The following TTN variants were observed in gnomAD, a reference collection of about 807,000 sequenced individuals.
TTN encodes the protein titin.
TTN carries 1,525 observed loss-of-function variants against 3,223.0 expected under a neutral mutation model. The observed-to-expected ratio is 0.47, with a 90% CI of 0.45 to 0.49. The LOEUF is 0.49. TTN is among the 20% of genes least tolerant of loss of function. The pLI, the probability that TTN is intolerant of heterozygous loss-of-function variation, is 0.00. For synonymous variants in TTN, 14,094 were observed against 15,161.0 expected, an observed-to-expected ratio of 0.93 and a Z score of 5.17; for missense variants, 40,786 against 43,424.0, an observed-to-expected ratio of 0.94 and a Z score of 5.40.
chr2:178,527,837 AACAC>A, intron 361 of TTN, 89 bp from the exon 362 acceptor site: 1 of 1,251,806 alleles, frequency 8.0e-7, no homozygotes, highest in Non-Finnish European at 1.1e-6. Flanking sequence ...TGGAAACTTC[AACAC>A]ACACACAGCA....
chr2:178,693,394 G>A (rs948862077), intron 119 of TTN, among the ~76,000 whole-genome samples: 2 of 152,024 alleles, frequency 1.3e-5, no homozygotes, highest in South Asian at 2.1e-4. Flanking sequence ...CAAACTCTCT[G>A]AAGCAGGGAA....
chr2:178,740,826 C>T lies in TTN; in HGVS notation c.12407G>A (p.Gly4136Asp), dbSNP rs1245737623. The change falls in exon 48 of 363, where the codon GGC becomes GAC. Residue 4136 changes from glycine to aspartate, a missense_variant. By Grantham distance (94) the Gly-to-Asp change is moderately conservative. Coordinates refer to ENST00000589042, the MANE Select transcript of TTN (RefSeq NM_001267550.2). ...CTTGAGAGGCTGAAAGTGAATACTGCCATTGATGCAAAGAAATTCCCTGGT... is the reference window on the plus strand; with the variant it reads ...CTTGAGAGGCTGAAAGTGAATACTGTCATTGATGCAAAGAAATTCCCTGGT... ...ESTREFLCIN[G>D]SIHFQPLKEP... is the part of the protein sequence containing the mutation. 3 of 1,613,690 alleles carry T rather than the reference C, an allele frequency of 1.9e-6. No homozygotes were observed. Among genetic ancestry groups the T allele is most frequent in the Non-Finnish European group, 2.5e-6 (3 of 1,179,752 alleles).
In TTN at chr2:178,584,302, T is replaced by G. The variant is rs761034547; in HGVS notation, c.65249A>C (p.Glu21750Ala). Residue 21750 changes from glutamate to alanine, a missense_variant, in exon 311 of 363, where the codon GAA (glutamate) becomes GCA (alanine). Transcript: ENST00000589042. ...AACTGGCATTCTTGCAGTTACATAT[T>G]CTGTGGGTTTGCTGGGTGGGCTGGA... ...AGSSPPSKPTEYVTARMPVDP... is the reference protein window; with the variant it reads ...AGSSPPSKPTAYVTARMPVDP... 6.3e-7 allele frequency: 1 copy of G among 1,591,340 alleles called. No individual in the cohort carries two copies. The highest frequency in any genetic ancestry group is 1.1e-5 in the South Asian group (1 of 88,160).
chr2:178,764,946 G>T, intron 41 of TTN, 135 bp from the exon 42 acceptor site: 2 of 921,800 alleles, frequency 2.2e-6, no homozygotes, highest in Non-Finnish European at 3.3e-6. Flanking sequence ...ATTTTTACTT[G>T]CCTCAGAATA....
intron 151 of TTN, 77 bp downstream of exon 151, chr2:178,674,237 G>T: frequency 1.2e-6 from 1 of 826,472 alleles, no homozygotes; most frequent in Non-Finnish European, 2.0e-6. Context: ...GCATACTGGT[G>T]AATCTTAGAT....
chr2:178,697,145 G>A lies in TTN; in HGVS notation c.30778C>T (p.Pro10260Ser). The change falls in exon 113 of 363, where the codon CCT becomes TCT. Residue 10260 changes from proline to serine, a missense_variant. Coordinates refer to ENST00000589042, the MANE Select transcript of TTN (RefSeq NM_001267550.2). ...CCTTTTGCTGGAATTAAGGTAGTAGGAGGTGGAGGCTTCTTGACAATCTCT... is the reference window on the plus strand; with the variant it reads ...CCTTTTGCTGGAATTAAGGTAGTAGAAGGTGGAGGCTTCTTGACAATCTCT... ...REEIVKKPPP[P>S]TTLIPAKAPE... The A allele has an allele frequency of 5.2e-6, 8 of 1,552,486 alleles. No individual in the cohort carries two copies. Among genetic ancestry groups the A allele is most frequent in the Non-Finnish European group, 7.0e-6 (8 of 1,148,292 alleles).
chr2:178,607,327 C>A lies in TTN; in HGVS notation c.53288-13G>T, dbSNP rs762229186. On this transcript the variant is annotated splice_polypyrimidine_tract_variant and intron_variant, in intron 277 of 362. Transcript: ENST00000589042. Reference sequence around the variant, plus strand: ...GGACCAGGGACATCTGAAAACAAAACAAAGCCAAAAATCAATGTAATAAGA... The same window carrying A: ...GGACCAGGGACATCTGAAAACAAAAAAAAGCCAAAAATCAATGTAATAAGA... 2 of 1,611,766 alleles carry A rather than the reference C, an allele frequency of 1.2e-6. No homozygotes were observed. Among genetic ancestry groups the A allele is most frequent in the African/African-American group, 2.7e-5 (2 of 74,782 alleles).
rs369805628 is a variant in TTN at position 178,551,408 on chromosome 2, T to C, written c.91271-148A>G. ...ATTTATTCAATCTCCCAAACTCATATTGGTCATTAATTTCAACTTTCCATT... is the reference window on the plus strand; with the variant it reads ...ATTTATTCAATCTCCCAAACTCATACTGGTCATTAATTTCAACTTTCCATT... On this transcript the variant is annotated intron_variant, in intron 335 of 362. Coordinates refer to ENST00000589042, the MANE Select transcript of TTN (RefSeq NM_001267550.2). The C allele has an allele frequency of 3.0e-5, 22 of 738,456 alleles. No homozygotes were observed. The African/African-American group carries it at 3.1e-4, about 11-fold the overall frequency. The allele number at this position is 738,456 out of a possible 1,614,324, so 45.7% of individuals were successfully genotyped here. A position where few individuals can be genotyped will look rare whatever the true frequency, so the allele number is the denominator to read the frequency against.
At chr2:178,639,486 A>G (rs1180722252) in intron 223 of TTN, among the ~76,000 whole-genome samples, 1 of 152,064 alleles carries the variant, frequency 6.6e-6, no homozygotes, top group East Asian at 1.9e-4. Flanking sequence ...AGGAACGTAC[A>G]TTCCAGTTAA....
In TTN at chr2:178,584,503, G is replaced by T. The variant is rs1328998714; in HGVS notation, c.65048C>A (p.Pro21683Gln). 1.9e-6 allele frequency: 3 copies of T among 1,613,156 alleles called. No individual in the cohort carries two copies. Among genetic ancestry groups the T allele is most frequent in the Middle Eastern group, 3.3e-4 (2 of 6,050 alleles). Residue 21683 changes from proline to glutamine, a missense_variant, in exon 311 of 363, where the codon CCA becomes CAA. By Grantham distance (76) the Pro-to-Gln change is moderately conservative. Coordinates refer to ENST00000589042, the MANE Select transcript of TTN (RefSeq NM_001267550.2). The stretch of plus-strand genomic sequence containing the variant: ...AATGGGGCTCCCTCCATCACTATCT[G>T]GTCTGTCCCAAGCAACAAAAATACA... The part of the protein sequence containing the change: ...KDCIFVAWDR[P>Q]DSDGGSPIIG...
In TTN at chr2:178,773,557, T is replaced by C. The variant is rs1417536595; in HGVS notation, c.7499A>G (p.Gln2500Arg). The C allele has an allele frequency of 6.2e-7, 1 of 1,614,100 alleles. No homozygotes were observed. The highest frequency in any genetic ancestry group is 1.3e-5 in the African/African-American group (1 of 75,068). The change falls in exon 32 of 363, where the codon CAG (glutamine) becomes CGG (arginine). Residue 2500 changes from glutamine (Q) to arginine (R), a missense_variant. By Grantham distance (43) the Gln-to-Arg change is conservative. Transcript: ENST00000589042. ...ATGAGTTCGGTTAATGACTAGTCGCTGTTTAGTACCTTTCACAATGGCCTG... is the reference window on the plus strand; with the variant it reads ...ATGAGTTCGGTTAATGACTAGTCGCCGTTTAGTACCTTTCACAATGGCCTG... The part of the protein sequence containing the change: ...RVQAIVKGTK[Q>R]RLVINRTHAS...
Position 178,569,771 on chromosome 2 carries a change from A to G in TTN, c.76361T>C (p.Met25454Thr), listed in dbSNP as rs1249375383. The G allele has an allele frequency of 1.9e-6, 3 of 1,613,112 alleles. No individual in the cohort carries two copies. Among genetic ancestry groups the G allele is most frequent in the Admixed American group, 1.7e-5 (1 of 59,942 alleles). ...ATTAATTCCTGTTGGTGGAGTGCAC[A>G]TTGTCCATTCACCAACACTCACATC... Reference protein sequence around the residue: ...KCDVSVGEWTMCTPPTGINKT... With the variant: ...KCDVSVGEWTTCTPPTGINKT... Residue 25454 changes from methionine (M) to threonine (T), a missense_variant, in exon 326 of 363, where the codon ATG (methionine) becomes ACG (threonine). Physicochemically the swap from Met to Thr is moderately conservative, Grantham distance 81. Transcript: ENST00000589042.
At chr2:178,730,045 C>CCA in intron 62 of TTN, 48 bp downstream of exon 62, 1 of 1,538,848 alleles carries the variant, frequency 6.5e-7, no homozygotes, top group Non-Finnish European at 8.9e-7. Flanking sequence ...CCACCCCAGG[C>CCA]AAGAAAATCT....
Position 178,704,136 on chromosome 2 carries a change from GTT to G in TTN, c.30223+9_30223+10del. ...GCTGTACCCACAAGGACTCCATAGT[GTT>G]TCACGCACCTTCGATTCTGAGTTCT... On this transcript the variant is annotated intron_variant, in intron 106 of 362. Coordinates refer to ENST00000589042, the MANE Select transcript of TTN (RefSeq NM_001267550.2). The G allele has an allele frequency of 6.2e-7, 1 of 1,612,898 alleles. No homozygotes were observed. The highest frequency in any genetic ancestry group is 1.1e-5 in the South Asian group (1 of 91,032).
Position 178,633,856 on chromosome 2 carries a change from C to A in TTN, c.42643G>T (p.Val14215Phe). 1 of 1,613,380 alleles carries A rather than the reference C, an allele frequency of 6.2e-7. No homozygotes were observed. The highest frequency in any genetic ancestry group is 8.5e-7 in the Non-Finnish European group (1 of 1,179,586). Reference protein sequence around the residue: ...LDDISQIKAQVKELSSTAQLK... With the variant: ...LDDISQIKAQFKELSSTAQLK... ...TGTGCTGTGGAGCTCAGCTCCTTGA[C>A]TTGAGCTTTTATCTGAGATATATCA... The change falls in exon 231 of 363, where the codon GTC becomes TTC. Residue 14215 changes from valine to phenylalanine, a missense_variant. Val to Phe is a conservative substitution (Grantham distance 50). Coordinates refer to ENST00000589042, the MANE Select transcript of TTN (RefSeq NM_001267550.2).
rs2050380638 is a variant in TTN, at chr2:178,592,277, T to C, written c.59627A>G (p.Asp19876Gly). Residue 19876 changes from aspartate (D) to glycine (G), a missense_variant and splice_region_variant, in exon 302 of 363, where the codon GAT becomes GGT. Transcript: ENST00000589042. Reference sequence around the variant, plus strand: ...CAGATCTCTAGGTGGCCCAGGTTTATCTAAAAAGTGTTAAATAACAGTTTG... The same window carrying C: ...CAGATCTCTAGGTGGCCCAGGTTTACCTAAAAAGTGTTAAATAACAGTTTG... ...KTVSVKVLVL[D>G]KPGPPRDLEV... 1 of 1,607,900 alleles carries C rather than the reference T, an allele frequency of 6.2e-7. No individual in the cohort carries two copies. Among genetic ancestry groups the C allele is most frequent in the Admixed American group, 1.7e-5 (1 of 58,638 alleles).
At chr2:178,726,145 C>T (rs2079298304) in intron 69 of TTN, 99 bp from the exon 70 acceptor site, 2 of 1,372,950 alleles carry the variant, frequency 1.5e-6, no homozygotes, top group Admixed American at 2.8e-5. Context: ...TTAAGATATT[C>T]TAATGGGTAA....
In TTN at chr2:178,652,307, C is replaced by G. The variant is rs1413467333; in HGVS notation, c.39168G>C (p.Val13056=). The change falls in exon 203 of 363, where the codon GTG becomes GTC. Residue 13056 remains valine (V), a synonymous_variant. Coordinates refer to ENST00000589042, the MANE Select transcript of TTN (RefSeq NM_001267550.2). ...APKEVVPEKK[V]PVPPPKKPEV... is the part of the protein sequence containing the mutation. ...CAGGCTTTTTAGGAGGAGGCACTGG[C>G]ACTTTCTTTTCAGGAACAACTTCTT... The G allele has an allele frequency of 6.2e-7, 1 of 1,613,594 alleles. No homozygotes were observed. The highest frequency in any genetic ancestry group is 8.5e-7 in the Non-Finnish European group (1 of 1,179,720).
rs1184590631 is a variant in TTN at position 178,568,820 on chromosome 2, A to C, written c.77312T>G (p.Val25771Gly). 6.2e-7 allele frequency: 1 copy of C among 1,613,120 alleles called. No homozygotes were observed. The highest frequency in any genetic ancestry group is 2.2e-5 in the East Asian group (1 of 44,770). The change falls in exon 326 of 363, where the codon GTT becomes GGT. Residue 25771 changes from valine to glycine, a missense_variant. Physicochemically the swap from Val to Gly is moderately radical, Grantham distance 109. Transcript: ENST00000589042. Reference protein sequence around the residue: ...LTQGEEYLFRVVAVNEKGRSD... With the variant: ...LTQGEEYLFRGVAVNEKGRSD... ...TCTCCCCTTTTCATTTACAGCAACA[A>C]CTCTAAAAAGATATTCTTCCCCTTG...
Sources: allele counts gnomAD v4.1 joint callset (sites outside exome capture counted in the v4.1 genomes callset), GRCh38; gene constraint gnomAD v4.1.1; transcripts MANE v1.5; gene names NCBI Gene and HGNC (gene_info 2026-07-23, HGNC 2026-07-21).